EYA4: variants seen among roughly 807,000 people sequenced by gnomAD.
The protein encoded by EYA4 is EYA transcriptional coactivator and phosphatase 4.
EYA4 carries 31 observed loss-of-function variants against 87.9 expected under a neutral mutation model. The observed-to-expected ratio is 0.35, with a 90% CI of 0.27 to 0.48. The LOEUF is 0.48. EYA4 is among the 20% of genes least tolerant of loss of function. The probability of loss-of-function intolerance (pLI) is 0.99; values close to 1 mark genes in which losing one functional copy is unlikely to be tolerated. For missense variants in EYA4, 678 were observed against 761.4 expected (o/e 0.89, Z 1.29); for synonymous variants, 263 against 270.6 (o/e 0.97, Z 0.28).
At chr6:133,388,914 G>A (rs1001444967) in intron 3 of EYA4, among the ~76,000 whole-genome samples, 2 of 152,082 alleles carry the variant, frequency 1.3e-5, no homozygotes, top group African/African-American at 4.8e-5. Context: ...GGCCCACAGT[G>A]CCTAGCATGC....
At chr6:133,441,551 T>C (rs556861893) in intron 3 of EYA4, among the ~76,000 whole-genome samples, 23 of 152,358 alleles carry the variant, frequency 1.5e-4, no homozygotes, top group Admixed American at 5.2e-4. Context: ...CTGAGGCACA[T>C]AGCCCCTGCT....
chr6:133,335,684 G>T (rs907720310), intron 2 of EYA4, among the ~76,000 whole-genome samples: 1 of 152,128 alleles, frequency 6.6e-6, no homozygotes, highest in Non-Finnish European at 1.5e-5. Context: ...TTCTAGGTGG[G>T]GGAAATAATG....
chr6:133,417,090 G>A (rs1789781881), intron 3 of EYA4, among the ~76,000 whole-genome samples: 1 of 152,198 alleles, frequency 6.6e-6, no homozygotes, highest in South Asian at 2.1e-4. Flanking sequence ...TGTTTTTGAT[G>A]TGTCATTTGA....
At chr6:133,460,346 G>A (rs568389874) in intron 6 of EYA4, among the ~76,000 whole-genome samples, 1 of 148,378 alleles carries the variant, frequency 6.7e-6, no homozygotes, top group East Asian at 1.9e-4. Context: ...CTTAGTCAAG[G>A]CAGATAGTTA....
At chr6:133,261,731 C>T (rs1002782921) in intron 1 of EYA4, among the ~76,000 whole-genome samples, 9 of 152,190 alleles carry the variant, frequency 5.9e-5, no homozygotes, top group Non-Finnish European at 8.8e-5. Context: ...GTTGCAGATA[C>T]TACTCTACTG....
chr6:133,403,118 T>A (rs1320487291), intron 3 of EYA4, among the ~76,000 whole-genome samples: 2 of 152,204 alleles, frequency 1.3e-5, no homozygotes, highest in Admixed American at 6.5e-5. Flanking sequence ...ATTTTGTGTT[T>A]ATGCATTTTG....
chr6:133,375,973 A>T (rs576688823), intron 2 of EYA4, among the ~76,000 whole-genome samples: 1 of 151,790 alleles, frequency 6.6e-6, no homozygotes, highest in African/African-American at 2.4e-5. Context: ...TTCATATAAG[A>T]CTCTAGGCAT....
At chr6:133,494,768 T>C (rs1026327696) in intron 13 of EYA4, among the ~76,000 whole-genome samples, 4 of 151,464 alleles carry the variant, frequency 2.6e-5, no homozygotes, top group African/African-American at 9.7e-5. Context: ...TGGAGGATCA[T>C]TTGAGCTCAG....
rs148564695 is a variant in EYA4, at chr6:133,282,854, T to C, written c.33+8041T>C. ...AGCCTCATAACTGCTAATTCTGGTC[T>C]GGTGAGTTGTCAAGATCCCTGGGCA... On this transcript the variant is annotated intron_variant, in intron 2 of 19. Transcript: ENST00000355286. Among the ~76,000 whole-genome samples, 294 of 152,306 alleles carry C rather than the reference T, an allele frequency of 1.9e-3. 3 individuals carry two copies. The highest frequency in any genetic ancestry group is 6.5e-3 in the African/African-American group (270 of 41,568).
rs370674988 is a variant in EYA4, at chr6:133,348,758, T to G, written c.34-33634T>G. Reference sequence around the variant, plus strand: ...AACCAGAATTTAATAAATTTCTACATCTTTATTGCTACCAACCTAGCTCAG... The same window carrying G: ...AACCAGAATTTAATAAATTTCTACAGCTTTATTGCTACCAACCTAGCTCAG... On this transcript the variant is annotated intron_variant, in intron 2 of 19. Coordinates refer to ENST00000355286, the MANE Select transcript of EYA4 (RefSeq NM_004100.5). Among the ~76,000 whole-genome samples the G allele has an allele frequency of 2.0e-5, 3 of 152,238 alleles. No individual in the cohort carries two copies. The East Asian group carries it at 5.8e-4, about 29-fold the overall frequency.
At chr6:133,395,426 A>G (rs1359114898) in intron 3 of EYA4, among the ~76,000 whole-genome samples, 1 of 152,106 alleles carries the variant, frequency 6.6e-6, no homozygotes, top group Non-Finnish European at 1.5e-5. Flanking sequence ...GCCATATAAG[A>G]AGGTTTAAAT....
Position 133,531,451 on chromosome 6 carries a change from T to C in EYA4, c.*2646T>C. 1 of 524,636 alleles carries C rather than the reference T, an allele frequency of 1.9e-6. No individual in the cohort carries two copies. The highest frequency in any genetic ancestry group is 3.4e-6 in the Non-Finnish European group (1 of 295,574). The allele number at this position is 524,636 out of a possible 1,614,324, so 32.5% of individuals were successfully genotyped here. A position where few individuals can be genotyped will look rare whatever the true frequency, so the allele number is the denominator to read the frequency against. On this transcript the variant is annotated 3_prime_UTR_variant, in exon 20 of 20. Coordinates refer to ENST00000355286, the MANE Select transcript of EYA4 (RefSeq NM_004100.5). ...GCAGTTCCCACCTCCTATTGACATATGGAATATTGTGCCTTATTGTAAACC... is the reference window on the plus strand; with the variant it reads ...GCAGTTCCCACCTCCTATTGACATACGGAATATTGTGCCTTATTGTAAACC...
At chr6:133,391,227 T>TGTTTTTGTTTTTG (rs71003639) in intron 3 of EYA4, among the ~76,000 whole-genome samples, 74,868 of 145,752 alleles carry the variant, frequency 0.51, 21,538 homozygotes, top group Non-Finnish European at 0.63. Context: ...TTTTTGTTTT[T>TGTTTTTGTTTTTG]TTTTTTTTTT....
At chr6:133,463,230 T>C (rs1794551847) in intron 9 of EYA4, among the ~76,000 whole-genome samples, 1 of 152,152 alleles carries the variant, frequency 6.6e-6, no homozygotes, top group East Asian at 1.9e-4. Context: ...AATTCCTCTC[T>C]CCTATTGATA....
chr6:133,411,956 C>T (rs1243902450), intron 3 of EYA4, among the ~76,000 whole-genome samples: 1 of 152,210 alleles, frequency 6.6e-6, no homozygotes, highest in Non-Finnish European at 1.5e-5. Context: ...GCCAGCATGG[C>T]AGAGGAGTTC....
At chr6:133,440,300 CT>C (rs367596796) in intron 3 of EYA4, among the ~76,000 whole-genome samples, 37 of 152,212 alleles carry the variant, frequency 2.4e-4, no homozygotes, top group African/African-American at 5.1e-4. Flanking sequence ...GAGGTGCTTA[CT>C]TTTTTTATTC....
At chr6:133,436,250 A>G (rs932711889) in intron 3 of EYA4, among the ~76,000 whole-genome samples, 7 of 151,680 alleles carry the variant, frequency 4.6e-5, no homozygotes, top group African/African-American at 1.7e-4. Flanking sequence ...AAATTTCCAC[A>G]TGCATTTCCA....
chr6:133,405,922 T>C (rs1255923833), intron 3 of EYA4, among the ~76,000 whole-genome samples: 1 of 152,030 alleles, frequency 6.6e-6, no homozygotes, highest in East Asian at 1.9e-4. Flanking sequence ...GAACAGCATG[T>C]GCAAAGGTCC....
At position 133,295,150 on chromosome 6, in the gene EYA4, A is replaced by G. The variant is rs77321420; in HGVS notation, c.33+20337A>G. Among the ~76,000 whole-genome samples, 980 of 152,324 alleles carry G rather than the reference A, an allele frequency of 6.4e-3. 8 individuals carry two copies. Among genetic ancestry groups the G allele is most frequent in the African/African-American group, 0.021 (881 of 41,574 alleles). On this transcript the variant is annotated intron_variant, in intron 2 of 19. Coordinates refer to ENST00000355286, the MANE Select transcript of EYA4 (RefSeq NM_004100.5). ...AGCTTATTCATGACCAGTATAAGTT[A>G]TACAAAATTAATGTTTCAAAGGATG...
Sources: gnomAD v4.1 joint callset for allele counts (sites outside exome capture counted in the v4.1 genomes callset) on GRCh38, gnomAD v4.1.1 for gene constraint, MANE v1.5 for transcripts, NCBI Gene and HGNC (gene_info 2026-07-23, HGNC 2026-07-21) for gene names.